The following GPR139 variants were observed in gnomAD, a reference collection of about 807,000 sequenced individuals.
The protein encoded by GPR139 is probable G protein-coupled receptor 139.
A neutral mutation model predicts 25.8 loss-of-function variants in GPR139; 12 were observed. The observed-to-expected ratio is 0.47, with a 90% CI of 0.30 to 0.75. The LOEUF (loss-of-function observed/expected upper bound fraction) is 0.75, where lower values mean the gene tolerates loss of function less well. GPR139 is among the 30% of genes least tolerant of loss of function. The pLI, the probability that GPR139 is intolerant of heterozygous loss-of-function variation, is 0.07. For synonymous variants in GPR139, 184 were observed against 179.9 expected, an observed-to-expected ratio of 1.02 and a Z score of -0.18; for missense variants, 380 against 450.2, an observed-to-expected ratio of 0.84 and a Z score of 1.41.
At chr16:20,065,557 C>T (rs1481595515) in intron 1 of GPR139, among the ~76,000 whole-genome samples, 2 of 152,098 alleles carry the variant, frequency 1.3e-5, no homozygotes, top group African/African-American at 4.8e-5. Context: ...ATACATGCCT[C>T]AAAGAATCGT....
chr16:20,066,545 G>A (rs1018528654), intron 1 of GPR139, among the ~76,000 whole-genome samples: 1 of 152,168 alleles, frequency 6.6e-6, no homozygotes, highest in African/African-American at 2.4e-5. Flanking sequence ...GTGGATTCAT[G>A]GAAAAGACCT....
At chr16:20,037,383 T>C (rs113452223) in intron 1 of GPR139, among the ~76,000 whole-genome samples, 1 of 142,848 alleles carries the variant, frequency 7.0e-6, no homozygotes, top group African/African-American at 2.6e-5. Context: ...ACTCGGGAGG[T>C]GGAAGTTACA....
Position 20,028,256 on chromosome 16 carries a change from A to G in GPR139, c.*3479T>C, listed in dbSNP as rs2057275280. On this transcript the variant is annotated 3_prime_UTR_variant, in exon 2 of 2. Coordinates refer to ENST00000570682, the MANE Select transcript of GPR139 (RefSeq NM_001002911.4). ...GTGACAGATGTGTTAATTTAGCTTG[A>G]TTTAATTATTCCACATTGTATACAT... 6.6e-6 allele frequency among the ~76,000 whole-genome samples: 1 copy of G among 152,230 alleles called. No homozygotes were observed.
chr16:20,067,804 C>CAAAAAAAAAA lies in GPR139; in HGVS notation c.127+5676_127+5685dup, dbSNP rs35387821. Among the ~76,000 whole-genome samples, 2 of 68,686 alleles carry CAAAAAAAAAA rather than the reference C, an allele frequency of 2.9e-5. 1 individual carries two copies. 45.1% of individuals were successfully genotyped at this position (68,686 alleles called of 152,430 possible). On this transcript the variant is annotated intron_variant, in intron 1 of 1. Coordinates refer to ENST00000570682, the MANE Select transcript of GPR139 (RefSeq NM_001002911.4). ...GGGCAACTAGAGCAAAACTCCATCT[C>CAAAAAAAAAA]AAAAAAAAAAAAAAAAAAAAGCATT...
At chr16:20,044,526 G>A (rs1000829690) in intron 1 of GPR139, among the ~76,000 whole-genome samples, 1 of 152,132 alleles carries the variant, frequency 6.6e-6, no homozygotes, top group Non-Finnish European at 1.5e-5. Context: ...AGGCAGATAA[G>A]ACACAAGAGG....
At chr16:20,050,624 G>A (rs1438737469) in intron 1 of GPR139, among the ~76,000 whole-genome samples, 1 of 152,218 alleles carries the variant, frequency 6.6e-6, no homozygotes, top group Non-Finnish European at 1.5e-5. Context: ...AGAGAGAGTA[G>A]GGAGGGAGGC....
At chr16:20,057,991 C>T (rs2057396581) in intron 1 of GPR139, among the ~76,000 whole-genome samples, 1 of 152,200 alleles carries the variant, frequency 6.6e-6, no homozygotes, top group South Asian at 2.1e-4. Flanking sequence ...AGTAGGGCCT[C>T]ATGAAATGAA....
intron 1 of GPR139, among the ~76,000 whole-genome samples, chr16:20,060,986 G>A (rs969252756): frequency 1.3e-5 from 2 of 152,124 alleles, no homozygotes; most frequent in South Asian, 2.1e-4. Flanking sequence ...ACAGCACCAA[G>A]TAGCTCTCTT....
intron 1 of GPR139, among the ~76,000 whole-genome samples, chr16:20,056,973 T>C (rs994729702): frequency 6.6e-6 from 1 of 152,204 alleles, no homozygotes; most frequent in African/African-American, 2.4e-5. Context: ...AATTAAAACA[T>C]CTACTTGGGG....
At chr16:20,048,372 C>G (rs72772713) in intron 1 of GPR139, among the ~76,000 whole-genome samples, 12,348 of 152,210 alleles carry the variant, frequency 0.081, 594 homozygotes, top group Non-Finnish European at 0.11. Flanking sequence ...TGTACCAGAG[C>G]CTGGGTCAGG....
chr16:20,061,647 C>T (rs950111280), intron 1 of GPR139, among the ~76,000 whole-genome samples: 4 of 152,234 alleles, frequency 2.6e-5, no homozygotes, highest in African/African-American at 9.6e-5. Context: ...AAAGCACAAG[C>T]CATTCTGCTT....
At position 20,056,033 on chromosome 16, in the gene GPR139, T is replaced by C. The variant is rs999584225; in HGVS notation, c.127+17457A>G. The stretch of plus-strand genomic sequence containing the variant: ...ATGGTAAATGACTATTAGTTTAGTG[T>C]CTATCATAAAGAAGTCAGCAATCTT... On this transcript the variant is annotated intron_variant, in intron 1 of 1. Coordinates refer to ENST00000570682, the MANE Select transcript of GPR139 (RefSeq NM_001002911.4). 2.6e-5 allele frequency among the ~76,000 whole-genome samples: 4 copies of C among 152,356 alleles called. No homozygotes were observed. The East Asian group carries it at 7.7e-4, about 29-fold the overall frequency.
At chr16:20,038,805 T>C (rs1221728549) in intron 1 of GPR139, among the ~76,000 whole-genome samples, 1 of 152,218 alleles carries the variant, frequency 6.6e-6, no homozygotes, top group Non-Finnish European at 1.5e-5. Flanking sequence ...ACATTTGCTA[T>C]AACTCCCCAT....
chr16:20,048,109 T>C (rs2057360175), intron 1 of GPR139, among the ~76,000 whole-genome samples: 1 of 152,162 alleles, frequency 6.6e-6, no homozygotes, highest in African/African-American at 2.4e-5. Context: ...AATAAATGAA[T>C]GAATAACTAT....
chr16:20,066,205 C>G (rs2057433488), intron 1 of GPR139, among the ~76,000 whole-genome samples: 1 of 152,214 alleles, frequency 6.6e-6, no homozygotes, highest in Admixed American at 6.5e-5. Context: ...TCATGGTGCC[C>G]TCTGCAGGGC....
rs1264858110 is a variant in GPR139 at position 20,029,809 on chromosome 16, ATATG to A, written c.*1922_*1925del. On this transcript the variant is annotated 3_prime_UTR_variant, in exon 2 of 2. Coordinates refer to ENST00000570682, the MANE Select transcript of GPR139 (RefSeq NM_001002911.4). ...TTCTCAGATACATTAGAATCACACA[ATATG>A]GTCCCTAAATGAGAGCCAATTCTGT... is the stretch of plus-strand genomic sequence containing the variant. Among the ~76,000 whole-genome samples, 4 of 152,216 alleles carry A rather than the reference ATATG, an allele frequency of 2.6e-5. No individual in the cohort carries two copies. Among genetic ancestry groups the A allele is most frequent in the Admixed American group, 2.6e-4 (4 of 15,282 alleles).
intron 1 of GPR139, among the ~76,000 whole-genome samples, chr16:20,066,146 G>A (rs1309875415): frequency 6.6e-6 from 1 of 152,186 alleles, no homozygotes; most frequent in Admixed American, 6.5e-5. Flanking sequence ...TACATTATCT[G>A]ACTGCTCCGT....
chr16:20,072,224 G>A (rs1056877633), intron 1 of GPR139, among the ~76,000 whole-genome samples: 5 of 152,184 alleles, frequency 3.3e-5, no homozygotes, highest in Admixed American at 1.3e-4. Flanking sequence ...GGCTTGGGGA[G>A]AGAGGCTCAC....
intron 1 of GPR139, among the ~76,000 whole-genome samples, chr16:20,069,428 G>A (rs932054079): frequency 2.4e-4 from 36 of 152,144 alleles, no homozygotes; most frequent in African/African-American, 8.2e-4. Flanking sequence ...AAACATATCT[G>A]CAGGCCTCAG....
Sources: gnomAD v4.1 joint callset for allele counts (sites outside exome capture counted in the v4.1 genomes callset) on GRCh38, gnomAD v4.1.1 for gene constraint, MANE v1.5 for transcripts, NCBI Gene and HGNC (gene_info 2026-07-23, HGNC 2026-07-21) for gene names.